Variants in PIK3R3 observed in about 807,000 individuals in gnomAD.
The protein encoded by PIK3R3 is phosphoinositide-3-kinase regulatory subunit 3.
Under a neutral mutation model 62.9 loss-of-function variants are expected in PIK3R3, and 64 were observed. That is an observed-to-expected ratio of 1.02 (90% CI 0.83 to 1.25). PIK3R3 has a LOEUF of 1.25. Among genes scored for constraint, PIK3R3 ranks in the 50% most tolerant of loss-of-function variants. The pLI is 0.00. For synonymous variants in PIK3R3, 165 were observed against 189.0 expected (o/e 0.87, Z 1.04); for missense variants, 614 against 561.6 (o/e 1.09, Z -0.94).
intron 3 of PIK3R3, among the ~76,000 whole-genome samples, chr1:46,069,506 A>T (rs907118261): frequency 2.0e-5 from 3 of 151,830 alleles, no homozygotes; most frequent in African/African-American, 7.3e-5. Flanking sequence ...GGTACAGAGT[A>T]AGATGCCATC....
intron 3 of PIK3R3, among the ~76,000 whole-genome samples, chr1:46,069,396 G>A (rs1649293196): frequency 6.6e-6 from 1 of 151,924 alleles, no homozygotes; most frequent in Non-Finnish European, 1.5e-5. Flanking sequence ...GAGGGCACCT[G>A]TAATCCCAGC....
At chr1:46,065,063 ATT>A (rs1648869486) in intron 5 of PIK3R3, among the ~76,000 whole-genome samples, 1 of 152,216 alleles carries the variant, frequency 6.6e-6, no homozygotes, top group Non-Finnish European at 1.5e-5. Flanking sequence ...TCTATAAATC[ATT>A]TGATATTCAA....
At chr1:46,128,334 G>A (rs1655272919) in intron 1 of PIK3R3, among the ~76,000 whole-genome samples, 1 of 152,092 alleles carries the variant, frequency 6.6e-6, no homozygotes, top group Non-Finnish European at 1.5e-5. Context: ...CTACTCGGGA[G>A]GCTCAGGGAC....
At chr1:46,167,774 G>A in the PIK3R3 span, among the ~76,000 whole-genome samples, 1 of 152,168 alleles carries the variant, frequency 6.6e-6, no homozygotes, top group Non-Finnish European at 1.5e-5. Context: ...TGCCCGCTCT[G>A]GGCTTCCACT....
chr1:46,149,421 CAAAA>C, the PIK3R3 span, among the ~76,000 whole-genome samples: 2 of 52,004 alleles, frequency 3.8e-5, no homozygotes, highest in Admixed American at 2.1e-4. Flanking sequence ...GACTCTGTCT[CAAAA>C]AAAAAAAAAA....
chr1:46,073,786 A>ATT (rs35378730), intron 3 of PIK3R3, among the ~76,000 whole-genome samples: 1 of 123,636 alleles, frequency 8.1e-6, no homozygotes, highest in Non-Finnish European at 1.7e-5. Context: ...CATTCAGTTA[A>ATT]TTTTTTTTTT....
chr1:46,109,285 G>C (rs937572254), intron 1 of PIK3R3, among the ~76,000 whole-genome samples: 20 of 151,948 alleles, frequency 1.3e-4, no homozygotes, highest in Non-Finnish European at 2.9e-5. Flanking sequence ...TCACCTCCCA[G>C]TTACTCTTCT....
At position 46,043,717 on chromosome 1, in the gene PIK3R3, G is replaced by T; in HGVS notation, c.1342C>A (p.Leu448Ile). 1 of 1,614,250 alleles carries T rather than the reference G, an allele frequency of 6.2e-7. No individual in the cohort carries two copies. Among genetic ancestry groups the T allele is most frequent in the Non-Finnish European group, 8.5e-7 (1 of 1,180,040 alleles). Residue 448 changes from leucine (L) to isoleucine (I), a missense_variant, in exon 10 of 10, where the codon CTT (leucine) becomes ATT (isoleucine). Physicochemically the swap from Leu to Ile is conservative, Grantham distance 5. Transcript: ENST00000262741. ...ATCTGTGCATGAACAGGGTAGGCAA[G>T]CCTGACGTTGAGGGAGTCGTTGTGC... ...VQHNDSLNVR[L>I]AYPVHAQMPS...
At chr1:46,161,262 A>AT in the PIK3R3 span, among the ~76,000 whole-genome samples, 42,252 of 139,680 alleles carry the variant, frequency 0.3, 6,544 homozygotes, top group South Asian at 0.37. Flanking sequence ...TACCTAGCTA[A>AT]TTTTTTTTTT....
chr1:46,076,509 A>G (rs933755578), intron 3 of PIK3R3, among the ~76,000 whole-genome samples: 1 of 152,210 alleles, frequency 6.6e-6, no homozygotes, highest in Non-Finnish European at 1.5e-5. Flanking sequence ...AATTGTGTTC[A>G]ATGAATTACT....
intron 1 of PIK3R3, among the ~76,000 whole-genome samples, chr1:46,107,329 G>T (rs901152454): frequency 2.6e-5 from 4 of 152,064 alleles, no homozygotes; most frequent in East Asian, 3.9e-4. Context: ...CTGCACTCCA[G>T]CCTGGGTGAC....
At chr1:46,124,750 C>T (rs1279589640) in intron 1 of PIK3R3, among the ~76,000 whole-genome samples, 1 of 145,730 alleles carries the variant, frequency 6.9e-6, no homozygotes, top group East Asian at 2.0e-4. Flanking sequence ...GAGCCGAGCT[C>T]GCACCATTGC....
At chr1:46,131,389 A>T (rs1655568406) in intron 1 of PIK3R3, among the ~76,000 whole-genome samples, 1 of 152,224 alleles carries the variant, frequency 6.6e-6, no homozygotes, top group African/African-American at 2.4e-5. Flanking sequence ...GGGGTAAAAC[A>T]CAACGAACCA....
intron 5 of PIK3R3, among the ~76,000 whole-genome samples, chr1:46,062,385 G>A (rs929730764): frequency 6.6e-6 from 1 of 152,048 alleles, no homozygotes; most frequent in Non-Finnish European, 1.5e-5. Flanking sequence ...AGACAGCCTG[G>A]CCAACATGGC....
chr1:46,170,560 A>G, the PIK3R3 span, among the ~76,000 whole-genome samples: 1 of 152,294 alleles, frequency 6.6e-6, no homozygotes, highest in African/African-American at 2.4e-5. Context: ...AGCTGGGATT[A>G]CAGGTACCTG....
chr1:46,054,973 G>C (rs747015114), intron 7 of PIK3R3, among the ~76,000 whole-genome samples: 81 of 152,174 alleles, frequency 5.3e-4, no homozygotes, highest in Non-Finnish European at 1.1e-3. Context: ...CACGATCTCG[G>C]CTCACTGCAA....
chr1:46,134,489 G>A (rs1018189464), upstream of PIK3R3: 3 of 152,172 alleles, frequency 2.0e-5, no homozygotes, highest in African/African-American at 7.2e-5. Flanking sequence ...CAACTTTGGG[G>A]CAGGACTCAT....
At chr1:46,161,260 TA>T in the PIK3R3 span, among the ~76,000 whole-genome samples, 1 of 136,902 alleles carries the variant, frequency 7.3e-6, no homozygotes, top group Non-Finnish European at 1.6e-5. Context: ...CATACCTAGC[TA>T]ATTTTTTTTT....
chr1:46,045,873 T>A, intron 9 of PIK3R3, 45 bp downstream of exon 9: 4 of 1,516,544 alleles, frequency 2.6e-6, no homozygotes, highest in Non-Finnish European at 3.6e-6. Flanking sequence ...TTATAATAAT[T>A]GATGCAAAAG....
Sources: gnomAD v4.1 joint callset for allele counts (sites outside exome capture counted in the v4.1 genomes callset) on GRCh38, gnomAD v4.1.1 for gene constraint, MANE v1.5 for transcripts, NCBI Gene and HGNC (gene_info 2026-07-23, HGNC 2026-07-21) for gene names.